PACSIN3: variants seen among roughly 807,000 people sequenced by gnomAD.
PACSIN3 encodes the protein protein kinase C and casein kinase substrate in neurons protein 3.
In PACSIN3, 34 loss-of-function variants were observed where a neutral mutation model predicts 56.1. The ratio of observed to expected loss-of-function variants is 0.61; its 90% CI spans 0.46 to 0.81. The LOEUF (loss-of-function observed/expected upper bound fraction) is 0.81, where lower values mean the gene tolerates loss of function less well. PACSIN3 is among the 30% of genes least tolerant of loss of function. The pLI is 0.00. For missense variants in PACSIN3, 535 were observed against 592.4 expected, an observed-to-expected ratio of 0.90 and a Z score of 1.01; for synonymous variants, 218 against 229.8, an observed-to-expected ratio of 0.95 and a Z score of 0.46.
chr11:47,182,609 G>A, intron 3 of PACSIN3, 50 bp from the exon 4 acceptor site: 1 of 1,604,282 alleles, frequency 6.2e-7, no homozygotes, highest in Non-Finnish European at 8.5e-7. Context: ...CTTCCTTTGG[G>A]GCTGGGGCTG....
Position 47,178,534 on chromosome 11 carries a change from G to C in PACSIN3, c.1038-47C>G. Reference sequence around the variant, plus strand: ...AGCAGCTCAGAGTGCAAGGAACACGGGGCTGGAGATCTCACCCAGGATCAG... The same window carrying C: ...AGCAGCTCAGAGTGCAAGGAACACGCGGCTGGAGATCTCACCCAGGATCAG... On this transcript the variant is annotated intron_variant, in intron 9 of 10. Coordinates refer to ENST00000298838, the MANE Select transcript of PACSIN3 (RefSeq NM_016223.5). The surrounding 1 kb of genome is among the most constrained non-coding windows in gnomAD (Gnocchi z 4.2). The C allele has an allele frequency of 6.3e-7, 1 of 1,595,270 alleles. No individual in the cohort carries two copies. Among genetic ancestry groups the C allele is most frequent in the South Asian group, 1.1e-5 (1 of 89,814 alleles).
At position 47,178,766 on chromosome 11, in the gene PACSIN3, A is replaced by T. The variant is rs962568915; in HGVS notation, c.1037+128T>A. On this transcript the variant is annotated intron_variant, in intron 9 of 10. Coordinates refer to ENST00000298838, the MANE Select transcript of PACSIN3 (RefSeq NM_016223.5). The surrounding 1 kb of genome is among the most constrained non-coding windows in gnomAD (Gnocchi z 4.2). Reference sequence around the variant, plus strand: ...ACCAGTATCATTACAACTACTAAGTAGGCCCTCAGGTCCCTGGCACCAATT... The same window carrying T: ...ACCAGTATCATTACAACTACTAAGTTGGCCCTCAGGTCCCTGGCACCAATT... The T allele has an allele frequency of 4.8e-6, 5 of 1,037,862 alleles. No individual in the cohort carries two copies. The Admixed American group carries it at 1.2e-4, about 24-fold the overall frequency. The allele number at this position is 1,037,862 out of a possible 1,614,324, so 64.3% of individuals were successfully genotyped here. A position where few individuals can be genotyped will look rare whatever the true frequency, so the allele number is the denominator to read the frequency against.
chr11:47,178,123 G>C lies in PACSIN3; in HGVS notation c.1160-77C>G. ...CCTGCAACTGGGTCAAGGACTGAGG[G>C]GGATGGTGTGGTCCCAGAGCCCAGC... is the stretch of plus-strand genomic sequence containing the variant. On this transcript the variant is annotated intron_variant, in intron 10 of 10. Transcript: ENST00000298838. The surrounding 1 kb of genome is among the most constrained non-coding windows in gnomAD (Gnocchi z 4.2). The C allele has an allele frequency of 7.5e-7, 1 of 1,336,374 alleles. No homozygotes were observed. Among genetic ancestry groups the C allele is most frequent in the Non-Finnish European group, 1.1e-6 (1 of 950,380 alleles). 82.8% of individuals were successfully genotyped at this position (1,336,374 alleles called of 1,614,324 possible). A position where few individuals can be genotyped will look rare whatever the true frequency, so the allele number is the denominator to read the frequency against.
At chr11:47,181,160 G>T (rs1160856171) in intron 4 of PACSIN3, among the ~76,000 whole-genome samples, 1 of 152,124 alleles carries the variant, frequency 6.6e-6, no homozygotes, top group Non-Finnish European at 1.5e-5. Context: ...TACTTGGGAG[G>T]CTGAGACAGG....
In PACSIN3 at chr11:47,179,102, C is replaced by T; in HGVS notation, c.900+57G>A. On this transcript the variant is annotated intron_variant, in intron 8 of 10. Transcript: ENST00000298838. The surrounding 1 kb of genome is among the most constrained non-coding windows in gnomAD (Gnocchi z 4.4). Reference sequence around the variant, plus strand: ...TCACTTACTTCATCCCTAGCCCTGGCCGAGCTGAGTGGGAGCCCATCCCAC... The same window carrying T: ...TCACTTACTTCATCCCTAGCCCTGGTCGAGCTGAGTGGGAGCCCATCCCAC... 1 of 1,613,614 alleles carries T rather than the reference C, an allele frequency of 6.2e-7. No homozygotes were observed. Among genetic ancestry groups the T allele is most frequent in the Admixed American group, 1.7e-5 (1 of 60,024 alleles).
rs753955865 is a variant in PACSIN3 at position 47,178,903 on chromosome 11, C to G, written c.1028G>C (p.Gly343Ala). Reference sequence around the variant, plus strand: ...CGCTCCTGGCTCTCACCCTGGGGACCCCGGGGACTGGGGTGGGGGTGCGGT... The same window carrying G: ...CGCTCCTGGCTCTCACCCTGGGGACGCCGGGGACTGGGGTGGGGGTGCGGT... Reference protein sequence around the residue: ...DGTAPPPQSPGSPGTGQDEEW... With the variant: ...DGTAPPPQSPASPGTGQDEEW... The change falls in exon 9 of 11, where the codon GGG becomes GCG. Residue 343 changes from glycine (G) to alanine (A), a missense_variant. Coordinates refer to ENST00000298838, the MANE Select transcript of PACSIN3 (RefSeq NM_016223.5). This position sits in a 1 kb window ranked among gnomAD's most constrained non-coding sequence, Gnocchi z 4.2. 6.2e-7 allele frequency: 1 copy of G among 1,613,842 alleles called. No homozygotes were observed. The highest frequency in any genetic ancestry group is 8.5e-7 in the Non-Finnish European group (1 of 1,179,992).
chr11:47,180,488 C>T lies in PACSIN3; in HGVS notation c.414G>A (p.Lys138=), dbSNP rs1952999176. 1.9e-6 allele frequency: 3 copies of T among 1,603,822 alleles called. No homozygotes were observed. In the African/African-American group the frequency reaches 4.0e-5, roughly 21 times the overall value. Residue 138 remains lysine (K), a synonymous_variant, in exon 5 of 11, where the codon AAG becomes AAA. Coordinates refer to ENST00000298838, the MANE Select transcript of PACSIN3 (RefSeq NM_016223.5). ...ESRAAEDGFR[K]AQKPWLKRLK... ...GCCTCTTCAGCCAGGGCTTCTGGGC[C>T]TTGCGGAAGCCGTCCTCGGCCGCCC...
Position 47,182,425 on chromosome 11 carries a change from C to T in PACSIN3, c.189G>A (p.Lys63=). The change falls in exon 4 of 11, where the codon AAG becomes AAA. Residue 63 remains lysine, a synonymous_variant. Transcript: ENST00000298838. ...CACCCTTCTCCACGGTCCCCCTCCACTTTCGGGCCCAGTCAGCCAACTGCT... is the reference window on the plus strand; with the variant it reads ...CACCCTTCTCCACGGTCCCCCTCCATTTTCGGGCCCAGTCAGCCAACTGCT... ...YAQQLADWAR[K]WRGTVEKGPQ... is the part of the protein sequence containing the mutation. 2 of 1,600,226 alleles carry T rather than the reference C, an allele frequency of 1.2e-6. No homozygotes were observed.
chr11:47,180,820 C>T (rs1953009217), intron 4 of PACSIN3, 130 bp from the exon 5 acceptor site: 7 of 672,924 alleles, frequency 1.0e-5, no homozygotes, highest in Non-Finnish European at 1.7e-5. Flanking sequence ...ACAACCCTGT[C>T]AGCTGGGCTT....
chr11:47,186,195 G>C lies in PACSIN3; in HGVS notation c.-104+154C>G, dbSNP rs969916470. 1.3e-5 allele frequency among the ~76,000 whole-genome samples: 2 copies of C among 151,910 alleles called. No homozygotes were observed. Among genetic ancestry groups the C allele is most frequent in the Non-Finnish European group, 2.9e-5 (2 of 67,892 alleles). On this transcript the variant is annotated intron_variant, in intron 1 of 10. Coordinates refer to ENST00000298838, the MANE Select transcript of PACSIN3 (RefSeq NM_016223.5). The surrounding 1 kb of genome is among the most constrained non-coding windows in gnomAD (Gnocchi z 4.5). ...TGGGACGGCCCCTCGGCGCGGCTAC[G>C]GCCCTTCCCGTCGGCACGCAGAGCG...
intron 4 of PACSIN3, among the ~76,000 whole-genome samples, chr11:47,181,286 C>T (rs1358491669): frequency 6.7e-6 from 1 of 148,430 alleles, no homozygotes; most frequent in Non-Finnish European, 1.5e-5. Flanking sequence ...AAAAGAGGAG[C>T]TGAGATTCAA....
intron 1 of PACSIN3, chr11:47,185,130 G>A (rs747911932): frequency 3.3e-5 from 5 of 152,616 alleles, no homozygotes; most frequent in Admixed American, 6.5e-5. Context: ...TCAGAAAGCA[G>A]GTAATGCAAT....
At chr11:47,183,883 G>A (rs759650646) in intron 1 of PACSIN3, among the ~76,000 whole-genome samples, 1 of 152,162 alleles carries the variant, frequency 6.6e-6, no homozygotes, top group East Asian at 1.9e-4. Flanking sequence ...TTAGCCAGGC[G>A]TGGTGGCGGG....
At chr11:47,184,903 G>C (rs1239050317) in intron 1 of PACSIN3, among the ~76,000 whole-genome samples, 1 of 151,966 alleles carries the variant, frequency 6.6e-6, no homozygotes, top group Non-Finnish European at 1.5e-5. Context: ...CCCCAGAACA[G>C]AGCAAGCTGT....
rs34915644 is a variant in PACSIN3, at chr11:47,179,478, G to A, written c.712C>T (p.Arg238Trp). Reference protein sequence around the residue: ...FETCQAAERQRLLFFKDMLLT... With the variant: ...FETCQAAERQWLLFFKDMLLT... ...AGCATATCCTTGAAGAAAAGAAGCC[G>A]CTGGCGCTCGGCGGCCTGGCAGGTC... Residue 238 changes from arginine (R) to tryptophan (W), a missense_variant, in exon 7 of 11, where the codon CGG (arginine) becomes TGG (tryptophan). Transcript: ENST00000298838. This position sits in a 1 kb window ranked among gnomAD's most constrained non-coding sequence, Gnocchi z 4.4. 76 of 1,613,902 alleles carry A rather than the reference G, an allele frequency of 4.7e-5. No homozygotes were observed. The highest frequency in any genetic ancestry group is 1.6e-4 in the Middle Eastern group (1 of 6,084).
At chr11:47,181,015 C>T (rs1262447272) in intron 4 of PACSIN3, among the ~76,000 whole-genome samples, 1 of 152,226 alleles carries the variant, frequency 6.6e-6, no homozygotes, top group African/African-American at 2.4e-5. Context: ...GTAATCCCAG[C>T]ACTTTGGGAG....
In PACSIN3 at chr11:47,179,642, C is replaced by T; in HGVS notation, c.604-56G>A. On this transcript the variant is annotated intron_variant, in intron 6 of 10. Coordinates refer to ENST00000298838, the MANE Select transcript of PACSIN3 (RefSeq NM_016223.5). This position sits in a 1 kb window ranked among gnomAD's most constrained non-coding sequence, Gnocchi z 4.4. Reference sequence around the variant, plus strand: ...CCAGACCTTCTTCCACCCAGGACTCCACCAGTGTTTACCAGACACTGCCAT... The same window carrying T: ...CCAGACCTTCTTCCACCCAGGACTCTACCAGTGTTTACCAGACACTGCCAT... 1 of 1,561,682 alleles carries T rather than the reference C, an allele frequency of 6.4e-7. No individual in the cohort carries two copies. Among genetic ancestry groups the T allele is most frequent in the Non-Finnish European group, 8.7e-7 (1 of 1,147,736 alleles).
In PACSIN3 at chr11:47,178,058, G is replaced by T. The variant is rs1952920545; in HGVS notation, c.1160-12C>A. 1 of 1,609,060 alleles carries T rather than the reference G, an allele frequency of 6.2e-7. No individual in the cohort carries two copies. Among genetic ancestry groups the T allele is most frequent in the Non-Finnish European group, 8.5e-7 (1 of 1,176,246 alleles). The stretch of plus-strand genomic sequence containing the variant: ...CAGCAGCTCCTCCCCTGGGGGAAAG[G>T]GGATTGGTCACTGCCAGTGGCCCTG... On this transcript the variant is annotated splice_polypyrimidine_tract_variant and intron_variant, in intron 10 of 10. Coordinates refer to ENST00000298838, the MANE Select transcript of PACSIN3 (RefSeq NM_016223.5). The surrounding 1 kb of genome is among the most constrained non-coding windows in gnomAD (Gnocchi z 4.2).
Position 47,179,707 on chromosome 11 carries a change from T to C in PACSIN3, c.604-121A>G. 1.1e-6 allele frequency: 1 copy of C among 896,634 alleles called. No individual in the cohort carries two copies. 55.5% of individuals were successfully genotyped at this position (896,634 alleles called of 1,614,324 possible). ...AGGGCTAGCCACTAGGGGCAATCAG[T>C]CCCAAGACCCAGCTCCTGCCCTCAA... On this transcript the variant is annotated intron_variant, in intron 6 of 10. Transcript: ENST00000298838. This position sits in a 1 kb window ranked among gnomAD's most constrained non-coding sequence, Gnocchi z 4.4.
Sources: gnomAD v4.1 joint callset for allele counts (sites outside exome capture counted in the v4.1 genomes callset) on GRCh38, gnomAD v4.1.1 for gene constraint, Gnocchi (gnomAD v3.1) non-coding constraint, MANE v1.5 for transcripts, NCBI Gene and HGNC (gene_info 2026-07-23, HGNC 2026-07-21) for gene names.